The following SDK2 variants were observed in gnomAD, a reference collection of about 807,000 sequenced individuals.
SDK2 encodes the protein protein sidekick-2.
Under a neutral mutation model 253.9 loss-of-function variants are expected in SDK2, and 105 were observed. The observed-to-expected ratio is 0.41, with a 90% confidence interval of 0.35 to 0.49. The LOEUF is 0.49. SDK2 is among the 20% of genes least tolerant of loss of function. SDK2 has a pLI of 0.06. For missense variants in SDK2, 2,608 were observed against 3,003.0 expected (o/e 0.87, Z 3.07); for synonymous variants, 1,249 against 1,234.9 (o/e 1.01, Z -0.24).
chr17:73,626,762 G>A (rs1280186412), intron 1 of SDK2, among the ~76,000 whole-genome samples: 1 of 152,184 alleles, frequency 6.6e-6, no homozygotes, highest in Non-Finnish European at 1.5e-5. Flanking sequence ...GATGGAATGG[G>A]AGGGTTCTCT....
chr17:73,464,104 A>C (rs772991339), intron 3 of SDK2, among the ~76,000 whole-genome samples: 5 of 152,234 alleles, frequency 3.3e-5, no homozygotes, highest in Non-Finnish European at 5.9e-5. Context: ...TGCTCACTTC[A>C]GATCACTTCA....
At chr17:73,555,833 C>G (rs1420369448) in intron 1 of SDK2, among the ~76,000 whole-genome samples, 1 of 152,190 alleles carries the variant, frequency 6.6e-6, no homozygotes, top group African/African-American at 2.4e-5. Flanking sequence ...GACTGAAATG[C>G]TGCAGACTCC....
chr17:73,635,387 C>T (rs1325230689), intron 1 of SDK2, among the ~76,000 whole-genome samples: 1 of 152,154 alleles, frequency 6.6e-6, no homozygotes, highest in Non-Finnish European at 1.5e-5. Flanking sequence ...GAAGCATCAG[C>T]TCCAGATTCA....
chr17:73,426,941 C>T (rs899508673), intron 12 of SDK2, among the ~76,000 whole-genome samples: 5 of 151,916 alleles, frequency 3.3e-5, no homozygotes, highest in East Asian at 3.9e-4. Flanking sequence ...AAAAATTAGC[C>T]AGGCGTGGTG....
chr17:73,560,362 G>T (rs1160944108), intron 1 of SDK2, among the ~76,000 whole-genome samples: 2 of 152,166 alleles, frequency 1.3e-5, no homozygotes, highest in African/African-American at 4.8e-5. Flanking sequence ...TTGTTTTTGA[G>T]ACGGAGCCTT....
rs374342738 is a variant in SDK2 at position 73,597,774 on chromosome 17, T to C, written c.64+46251A>G. On this transcript the variant is annotated intron_variant, in intron 1 of 44. Transcript: ENST00000392650. The stretch of plus-strand genomic sequence containing the variant: ...CATTCTCCTGCCTCAGCCTCCCAAG[T>C]AGCTGAGACTACAGGCACCCGCCAC... 1.1e-3 allele frequency among the ~76,000 whole-genome samples: 173 copies of C among 152,068 alleles called. 1 individual carries two copies. The highest frequency in any genetic ancestry group is 2.0e-3 in the Non-Finnish European group (133 of 67,968).
intron 39 of SDK2, among the ~76,000 whole-genome samples, chr17:73,359,617 C>T (rs1421720111): frequency 6.6e-6 from 1 of 152,176 alleles, no homozygotes; most frequent in Non-Finnish European, 1.5e-5. Context: ...CAGACCGCCC[C>T]CTGCACCCAC....
chr17:73,495,478 T>C (rs1267206580), intron 2 of SDK2, among the ~76,000 whole-genome samples: 1 of 152,236 alleles, frequency 6.6e-6, no homozygotes, highest in Non-Finnish European at 1.5e-5. Context: ...TCAGCAGTGC[T>C]GAGGCTGAGA....
At chr17:73,393,813 G>A (rs558383586) in intron 26 of SDK2, 64 bp from the exon 27 acceptor site, 154 of 1,323,898 alleles carry the variant, frequency 1.2e-4, no homozygotes, top group South Asian at 6.3e-4. Flanking sequence ...CACTTTTCCC[G>A]AGTCTCATCC....
In SDK2 at chr17:73,361,903, C is replaced by G; in HGVS notation, c.5306-58G>C. The G allele has an allele frequency of 6.6e-7, 1 of 1,506,438 alleles. No homozygotes were observed. The highest frequency in any genetic ancestry group is 1.4e-5 in the African/African-American group (1 of 72,646). 93.3% of individuals were successfully genotyped at this position (1,506,438 alleles called of 1,614,324 possible). ...CAGGGCCCACCGAGGGCACTGGAGG[C>G]CATGGGGAAGGGGAAGCGGCCGTGG... On this transcript the variant is annotated intron_variant, in intron 38 of 44. Coordinates refer to ENST00000392650, the MANE Select transcript of SDK2 (RefSeq NM_001144952.2). This position sits in a 1 kb window ranked among gnomAD's most constrained non-coding sequence, Gnocchi z 4.1.
At chr17:73,405,467 CATATATAT>C (rs1166184210) in intron 18 of SDK2, among the ~76,000 whole-genome samples, 20 of 6,030 alleles carry the variant, frequency 3.3e-3, no homozygotes, top group African/African-American at 0.011. Context: ...AACAAAAAAC[CATATATAT>C]ATATATATAT....
intron 38 of SDK2, among the ~76,000 whole-genome samples, chr17:73,364,063 G>T (rs927996579): frequency 6.6e-6 from 1 of 151,960 alleles, no homozygotes; most frequent in Non-Finnish European, 1.5e-5. Context: ...GTGATTGGAG[G>T]GGGTGAGAGT....
intron 1 of SDK2, among the ~76,000 whole-genome samples, chr17:73,606,378 A>G (rs2045907489): frequency 6.6e-6 from 1 of 151,556 alleles, no homozygotes; most frequent in African/African-American, 2.4e-5. Flanking sequence ...CCCTCCTCTG[A>G]GGGGGGGCAG....
chr17:73,470,345 ATTCT>A (rs1385213815), intron 3 of SDK2, among the ~76,000 whole-genome samples: 1 of 152,150 alleles, frequency 6.6e-6, no homozygotes. Context: ...ATACACACTC[ATTCT>A]TTCCCAGACA....
chr17:73,435,647 G>A lies in SDK2; in HGVS notation c.1001-3C>T. 1.3e-6 allele frequency: 2 copies of A among 1,551,154 alleles called. No individual in the cohort carries two copies. The highest frequency in any genetic ancestry group is 8.7e-7 in the Non-Finnish European group (1 of 1,146,658). On this transcript the variant is annotated splice_region_variant and splice_polypyrimidine_tract_variant and intron_variant, in intron 8 of 44. Transcript: ENST00000392650. This position sits in a 1 kb window ranked among gnomAD's most constrained non-coding sequence, Gnocchi z 5.7. ...GGTGATGGAGGGCGGCGGCACACCT[G>A]TGGGCAAGACGTGGGCCCACCGTCA...
rs79481309 is a variant in SDK2, at chr17:73,384,703, T to C, written c.4570-692A>G. 9.1e-3 allele frequency among the ~76,000 whole-genome samples: 1,393 copies of C among 152,288 alleles called. 37 individuals are homozygous for C. The highest frequency in any genetic ancestry group is 0.087 in the East Asian group (449 of 5,182). ...GGTGTGGTGGCATGTGCCTGTAGTCTTGCTTGGAAGGCTGAGGAAAGAGAA... is the reference window on the plus strand; with the variant it reads ...GGTGTGGTGGCATGTGCCTGTAGTCCTGCTTGGAAGGCTGAGGAAAGAGAA... On this transcript the variant is annotated intron_variant, in intron 32 of 44. Transcript: ENST00000392650.
intron 1 of SDK2, among the ~76,000 whole-genome samples, chr17:73,613,628 C>T (rs1248717743): frequency 7.2e-6 from 1 of 139,482 alleles, no homozygotes; most frequent in African/African-American, 2.6e-5. Flanking sequence ...CCTACATATG[C>T]TCATCCATCA....
At chr17:73,533,760 C>T (rs1004606505) in intron 1 of SDK2, among the ~76,000 whole-genome samples, 9 of 149,120 alleles carry the variant, frequency 6.0e-5, no homozygotes, top group Non-Finnish European at 1.2e-4. Context: ...TCTCTGTCTT[C>T]GCCAGGTTCC....
rs751617099 is a variant in SDK2, at chr17:73,541,902, G to A, written c.65-34305C>T. Among the ~76,000 whole-genome samples the A allele has an allele frequency of 1.8e-4, 28 of 152,210 alleles. No homozygotes were observed. The highest frequency in any genetic ancestry group is 9.2e-4 in the Admixed American group (14 of 15,286). On this transcript the variant is annotated intron_variant, in intron 1 of 44. Transcript: ENST00000392650. The surrounding 1 kb of genome is among the most constrained non-coding windows in gnomAD (Gnocchi z 4.3). ...TAGGCTGGGATGCAAGTCCAGGCCT[G>A]TTCTTGCCTGTGTGCCCTGAGGAGA...
Sources: allele counts gnomAD v4.1 joint callset (sites outside exome capture counted in the v4.1 genomes callset), GRCh38; gene constraint gnomAD v4.1.1; non-coding constraint Gnocchi (gnomAD v3.1); transcripts MANE v1.5; gene names NCBI Gene and HGNC (gene_info 2026-07-23, HGNC 2026-07-21).